The following NCOR1 variants were observed in gnomAD, a reference collection of about 807,000 sequenced individuals.
The protein encoded by NCOR1 is protein phosphatase 1, regulatory subunit 109.
NCOR1 carries 63 observed loss-of-function variants against 288.1 expected under a neutral mutation model. The observed-to-expected ratio is 0.22, with a 90% CI of 0.18 to 0.27. The LOEUF (loss-of-function observed/expected upper bound fraction) is 0.27, where lower values mean the gene tolerates loss of function less well. NCOR1 is among the 10% of genes least tolerant of loss of function. The pLI is 1.00. For missense variants in NCOR1, 2,397 were observed against 3,019.2 expected, an observed-to-expected ratio of 0.79 and a Z score of 4.83; for synonymous variants, 1,007 against 1,065.9, an observed-to-expected ratio of 0.94 and a Z score of 1.08.
chr17:16,120,665 T>G (rs888681921), intron 16 of NCOR1, among the ~76,000 whole-genome samples: 1 of 152,144 alleles, frequency 6.6e-6, no homozygotes, highest in Non-Finnish European at 1.5e-5. Context: ...GAATAAAGAT[T>G]TTTTTATTAC....
chr17:16,185,483 A>C (rs1443857589), intron 3 of NCOR1, among the ~76,000 whole-genome samples: 1 of 152,010 alleles, frequency 6.6e-6, no homozygotes, highest in Non-Finnish European at 1.5e-5. Flanking sequence ...CCAGAATTCA[A>C]GACCAGCCTG....
chr17:16,167,859 C>CAAAAAAAAAAAAAAAAAAAAAAAA (rs71299856), intron 4 of NCOR1, among the ~76,000 whole-genome samples: 1 of 62,642 alleles, frequency 1.6e-5, no homozygotes, highest in Non-Finnish European at 2.9e-5. Context: ...GACTCCATCT[C>CAAAAAAAAAAAAAAAAAAAAAAAA]AAAAAAAAAA....
intron 3 of NCOR1, among the ~76,000 whole-genome samples, chr17:16,181,872 CA>C (rs1429134472): frequency 6.6e-6 from 1 of 151,536 alleles, no homozygotes; most frequent in East Asian, 1.9e-4. Context: ...TCTAGTGCTA[CA>C]AAAGAACAAT....
chr17:16,170,107 C>CTGTG (rs61345864), intron 4 of NCOR1, among the ~76,000 whole-genome samples: 4,338 of 147,642 alleles, frequency 0.029, 168 homozygotes, highest in African/African-American at 0.09. Context: ...TATTTGCTTT[C>CTGTG]TGTGTGTGTG....
Position 16,073,427 on chromosome 17 carries a change from A to G in NCOR1, c.3811+2T>C. 1 of 1,579,100 alleles carries G rather than the reference A, an allele frequency of 6.3e-7. No individual in the cohort carries two copies. Among genetic ancestry groups the G allele is most frequent in the Non-Finnish European group, 8.6e-7 (1 of 1,165,350 alleles). ...AATAACATTCTGAAAACAATGCTTT[A>G]CCCTCTAACGGTGCTGATACAGGAG... On this transcript the variant is annotated splice_donor_variant, in intron 28 of 45. Coordinates refer to ENST00000268712, the MANE Select transcript of NCOR1 (RefSeq NM_006311.4). LOFTEE classifies it high-confidence loss of function.
chr17:16,056,990 C>CA (rs1393130479), intron 40 of NCOR1: 3 of 151,902 alleles, frequency 2.0e-5, no homozygotes, highest in African/African-American at 4.8e-5. Flanking sequence ...AACAAACAAA[C>CA]AAAAAATATA....
intron 12 of NCOR1, 112 bp downstream of exon 12, chr17:16,138,896 C>T: frequency 7.8e-6 from 6 of 773,086 alleles, no homozygotes; most frequent in Non-Finnish European, 1.2e-5. Context: ...GATTCAAACA[C>T]CAAAATGGGA....
rs137969860 is a variant in NCOR1 at position 16,079,860 on chromosome 17, T to C, written c.3501+104A>G. ...TAGGTTATGAGACCCAGTCCCATAA[T>C]GCAGAAAAATGAACTTAAGCCACAA... On this transcript the variant is annotated intron_variant, in intron 26 of 45. Coordinates refer to ENST00000268712, the MANE Select transcript of NCOR1 (RefSeq NM_006311.4). The C allele has an allele frequency of 1.0e-3, 928 of 895,666 alleles. 8 individuals are homozygous for C. The African/African-American group carries it at 0.014, about 14-fold the overall frequency. The allele number at this position is 895,666 out of a possible 1,614,324, so 55.5% of individuals were successfully genotyped here.
chr17:16,174,555 G>A (rs2083727994), intron 3 of NCOR1, among the ~76,000 whole-genome samples: 1 of 152,166 alleles, frequency 6.6e-6, no homozygotes, highest in Non-Finnish European at 1.5e-5. Flanking sequence ...AGAAAACAAT[G>A]AGTATGGAAT....
In NCOR1 at chr17:16,121,103, C is replaced by A. The variant is rs771531803; in HGVS notation, c.1801G>T (p.Ala601Ser). 12 of 1,613,932 alleles carry A rather than the reference C, an allele frequency of 7.4e-6. No homozygotes were observed. The highest frequency in any genetic ancestry group is 1.0e-5 in the Non-Finnish European group (12 of 1,179,972). Residue 601 changes from alanine to serine, a missense_variant, in exon 16 of 46, where the codon GCA becomes TCA. Around this residue, in one of 11 missense-constraint regions of NCOR1, gnomAD observed 113 missense variants for 139.5 expected, o/e 0.81. Coordinates refer to ENST00000268712, the MANE Select transcript of NCOR1 (RefSeq NM_006311.4). ...NEAAAASAAA[A>S]AATEEPPPPL... ...GGTGGGGGCTCTTCAGTAGCCGCTGCGGCTGCAGCACTGGCAGCTGCAGCT... is the reference window on the plus strand; with the variant it reads ...GGTGGGGGCTCTTCAGTAGCCGCTGAGGCTGCAGCACTGGCAGCTGCAGCT...
At chr17:16,053,279 A>G (rs993677404) in intron 40 of NCOR1, among the ~76,000 whole-genome samples, 3 of 152,174 alleles carry the variant, frequency 2.0e-5, no homozygotes, top group Admixed American at 6.5e-5. Flanking sequence ...ACATAATCCC[A>G]TATCTAGAAA....
chr17:16,091,737 C>G, intron 22 of NCOR1, 126 bp downstream of exon 22: 1 of 1,527,934 alleles, frequency 6.5e-7, no homozygotes, highest in Admixed American at 2.0e-5. Context: ...GGAACTGTGT[C>G]TGTTAGGACA....
chr17:16,094,746 T>TG (rs1418952037), intron 21 of NCOR1, among the ~76,000 whole-genome samples: 2 of 152,206 alleles, frequency 1.3e-5, no homozygotes, highest in African/African-American at 4.8e-5. Flanking sequence ...CGTATTTTTT[T>TG]GGTGGAGACG....
chr17:16,107,246 C>T (rs1401451627), intron 19 of NCOR1, among the ~76,000 whole-genome samples: 1 of 151,822 alleles, frequency 6.6e-6, no homozygotes, highest in Non-Finnish European at 1.5e-5. Context: ...CTGCATTGTG[C>T]CCCTCCCCAC....
At position 16,172,775 on chromosome 17, in the gene NCOR1, T is replaced by C. The variant is rs75896958; in HGVS notation, c.243-780A>G. Among the ~76,000 whole-genome samples the C allele has an allele frequency of 2.9e-3, 440 of 152,356 alleles. 20 individuals carry two copies. In the East Asian group the frequency reaches 0.05, roughly 17 times the overall value. The stretch of plus-strand genomic sequence containing the variant: ...CTTTACAGGATGTATTGTTGAGTCC[T>C]GCTCGTGAGTGCTCATTAAGTTGAC... On this transcript the variant is annotated intron_variant, in intron 3 of 45. Transcript: ENST00000268712.
intron 1 of NCOR1, among the ~76,000 whole-genome samples, chr17:16,210,327 T>A (rs1423936612): frequency 6.6e-6 from 1 of 152,162 alleles, no homozygotes; most frequent in Admixed American, 6.5e-5. Context: ...GAGGTTATGG[T>A]GACCTGAGAC....
intron 7 of NCOR1, 37 bp from the exon 8 acceptor site, chr17:16,152,035 G>A: frequency 7.3e-7 from 1 of 1,361,372 alleles, no homozygotes; most frequent in Non-Finnish European, 1.0e-6. Flanking sequence ...ATAAAATGTT[G>A]TACATATGTC....
At position 16,152,017 on chromosome 17, in the gene NCOR1, AT is replaced by A; in HGVS notation, c.790-20del. On this transcript the variant is annotated intron_variant, in intron 7 of 45. Coordinates refer to ENST00000268712, the MANE Select transcript of NCOR1 (RefSeq NM_006311.4). ...ACAGTGGCTATAAAAGAAATCAAAT[AT>A]TTATGTATAAAATGTTGTACATATG... is the stretch of plus-strand genomic sequence containing the variant. 6.5e-7 allele frequency: 1 copy of A among 1,528,604 alleles called. No individual in the cohort carries two copies. The allele number at this position is 1,528,604 out of a possible 1,614,324, so 94.7% of individuals were successfully genotyped here. A position where few individuals can be genotyped will look rare whatever the true frequency, so the allele number is the denominator to read the frequency against.
chr17:16,126,482 C>T (rs985706984), intron 14 of NCOR1, among the ~76,000 whole-genome samples: 1 of 151,968 alleles, frequency 6.6e-6, no homozygotes, highest in Non-Finnish European at 1.5e-5. Flanking sequence ...GGGTTGGTTC[C>T]CTTTTTTGGC....
Sources: gnomAD v4.1 joint callset for allele counts (sites outside exome capture counted in the v4.1 genomes callset) on GRCh38, gnomAD v4.1.1 for gene constraint, gnomAD v4.1.1 regional missense constraint, MANE v1.5 for transcripts, NCBI Gene and HGNC (gene_info 2026-07-23, HGNC 2026-07-21) for gene names.